LRP1B: variants seen among roughly 807,000 people sequenced by gnomAD.
LRP1B encodes the protein LDL receptor related protein 1B, also known as low-density lipoprotein receptor-related protein 1B.
Under a neutral mutation model 556.6 loss-of-function variants are expected in LRP1B, and 217 were observed. The observed-to-expected ratio is 0.39, with a 90% CI of 0.35 to 0.44. The LOEUF is 0.44. LRP1B is among the 20% of genes least tolerant of loss of function. The pLI is 1.00. For synonymous variants in LRP1B, 2,047 were observed against 1,865.8 expected, an observed-to-expected ratio of 1.10 and a Z score of -2.50; for missense variants, 5,053 against 5,620.8, an observed-to-expected ratio of 0.90 and a Z score of 3.23.
intron 25 of LRP1B, among the ~76,000 whole-genome samples, chr2:140,877,030 A>T (rs1693329814): frequency 6.6e-6 from 1 of 152,070 alleles, no homozygotes; most frequent in African/African-American, 2.4e-5. Context: ...CTTGGTTACA[A>T]GTGGGCAAAA....
chr2:142,126,986 C>T (rs1397509470), intron 1 of LRP1B, among the ~76,000 whole-genome samples: 1 of 151,828 alleles, frequency 6.6e-6, no homozygotes, highest in Non-Finnish European at 1.5e-5. Context: ...TTCTGCATAC[C>T]TCCACCTTGA....
chr2:140,560,490 G>A (rs957286883), intron 43 of LRP1B, among the ~76,000 whole-genome samples: 8 of 152,014 alleles, frequency 5.3e-5, no homozygotes, highest in Non-Finnish European at 1.2e-4. Flanking sequence ...CTTTTTTGCA[G>A]CCTAACATTA....
intron 42 of LRP1B, among the ~76,000 whole-genome samples, chr2:140,600,552 C>G (rs773101192): frequency 6.6e-6 from 1 of 151,692 alleles, no homozygotes; most frequent in Non-Finnish European, 1.5e-5. Context: ...ATTCTTCAAT[C>G]TTTTTTTTGT....
chr2:141,758,005 C>T (rs1558855241), intron 2 of LRP1B, among the ~76,000 whole-genome samples: 1 of 152,124 alleles, frequency 6.6e-6, no homozygotes, highest in South Asian at 2.1e-4. Context: ...TTAACCTTGT[C>T]TAGAACCAGA....
intron 31 of LRP1B, among the ~76,000 whole-genome samples, chr2:140,834,358 G>C (rs910333362): frequency 6.6e-6 from 1 of 152,154 alleles, no homozygotes; most frequent in African/African-American, 2.4e-5. Flanking sequence ...TCCTGCCTCA[G>C]CCTCTCGAGT....
chr2:141,482,626 T>TATA (rs1486117049), intron 2 of LRP1B, among the ~76,000 whole-genome samples: 1 of 152,018 alleles, frequency 6.6e-6, no homozygotes, highest in Non-Finnish European at 1.5e-5. Context: ...ATCTTATGTT[T>TATA]ATAATATTAA....
At chr2:140,840,799 T>C in intron 30 of LRP1B, 119 bp downstream of exon 30, 1 of 686,860 alleles carries the variant, frequency 1.5e-6, no homozygotes. Flanking sequence ...ATTTACTTTT[T>C]TTTTAACTCT....
At chr2:141,908,702 T>C (rs1699826493) in intron 1 of LRP1B, among the ~76,000 whole-genome samples, 1 of 152,068 alleles carries the variant, frequency 6.6e-6, no homozygotes, top group Non-Finnish European at 1.5e-5. Flanking sequence ...TTCCTGGTGA[T>C]GGAATGGCTA....
intron 66 of LRP1B, among the ~76,000 whole-genome samples, chr2:140,416,422 G>T (rs1018090418): frequency 6.6e-6 from 1 of 152,308 alleles, no homozygotes; most frequent in Non-Finnish European, 1.5e-5. Context: ...TGGGGAGGCT[G>T]AGGTGGGCAG....
At chr2:141,755,240 C>T (rs2105578505) in intron 2 of LRP1B, among the ~76,000 whole-genome samples, 1 of 151,836 alleles carries the variant, frequency 6.6e-6, no homozygotes, top group East Asian at 1.9e-4. Context: ...GATAAACAGG[C>T]AAAATATTAT....
In LRP1B at chr2:140,501,668, A is replaced by G. The variant is rs1558926143; in HGVS notation, c.8850+19T>C. The G allele has an allele frequency of 3.2e-6, 5 of 1,548,922 alleles. No homozygotes were observed. The highest frequency in any genetic ancestry group is 3.9e-5 in the Admixed American group (2 of 51,940). The stretch of plus-strand genomic sequence containing the variant: ...ATTCTAATGTATCGTATGATTTGCT[A>G]CTTTTGATGAGTACCTACCTTATAA... On this transcript the variant is annotated intron_variant, in intron 55 of 90. Transcript: ENST00000389484.
intron 35 of LRP1B, among the ~76,000 whole-genome samples, chr2:140,731,566 G>A (rs1329908463): frequency 2.6e-5 from 4 of 151,818 alleles, no homozygotes; most frequent in African/African-American, 9.7e-5. Context: ...TCAAGAGATC[G>A]AGACCATCCT....
chr2:141,719,424 C>T lies in LRP1B; in HGVS notation c.205+90855G>A, dbSNP rs76526117. On this transcript the variant is annotated intron_variant, in intron 2 of 90. Coordinates refer to ENST00000389484, the MANE Select transcript of LRP1B (RefSeq NM_018557.3). Reference sequence around the variant, plus strand: ...CAGTAAATATGTAATAGGGTTCCAACTCAACAACTAGCTGATTATTAAGTT... The same window carrying T: ...CAGTAAATATGTAATAGGGTTCCAATTCAACAACTAGCTGATTATTAAGTT... Among the ~76,000 whole-genome samples, 438 of 152,252 alleles carry T rather than the reference C, an allele frequency of 2.9e-3. 3 individuals carry two copies. Among genetic ancestry groups the T allele is most frequent in the African/African-American group, 1.0e-2 (415 of 41,574 alleles).
chr2:141,050,158 T>C (rs1453311044), intron 10 of LRP1B, among the ~76,000 whole-genome samples: 1 of 151,740 alleles, frequency 6.6e-6, no homozygotes, highest in East Asian at 1.9e-4. Flanking sequence ...ATAATTGATA[T>C]TCATAGTAAA....
intron 86 of LRP1B, among the ~76,000 whole-genome samples, chr2:140,249,020 G>T (rs1313033387): frequency 7.2e-6 from 1 of 138,524 alleles, no homozygotes; most frequent in Non-Finnish European, 1.6e-5. Flanking sequence ...ATCAAAATTT[G>T]CTTTATACAT....
intron 3 of LRP1B, among the ~76,000 whole-genome samples, chr2:141,455,880 G>A (rs1034232762): frequency 6.6e-6 from 1 of 152,146 alleles, no homozygotes; most frequent in South Asian, 2.1e-4. Context: ...ATTTCCCAGT[G>A]CACTACAAGC....
At chr2:140,270,548 A>G (rs1682411435) in intron 85 of LRP1B, among the ~76,000 whole-genome samples, 1 of 151,898 alleles carries the variant, frequency 6.6e-6, no homozygotes, top group Non-Finnish European at 1.5e-5. Context: ...TTTTCTTCTG[A>G]TAATTCTCAA....
intron 14 of LRP1B, among the ~76,000 whole-genome samples, chr2:141,008,858 A>T (rs1284031293): frequency 1.3e-5 from 2 of 151,974 alleles, no homozygotes; most frequent in Non-Finnish European, 2.9e-5. Context: ...TTGTGGATAG[A>T]TACAACTTCC....
intron 18 of LRP1B, among the ~76,000 whole-genome samples, chr2:140,968,371 G>T (rs2380917): frequency 6.6e-6 from 1 of 151,802 alleles, no homozygotes; most frequent in African/African-American, 2.4e-5. Flanking sequence ...GGTATTGGTG[G>T]TGATATCCGT....
Sources: allele counts gnomAD v4.1 joint callset (sites outside exome capture counted in the v4.1 genomes callset), GRCh38; gene constraint gnomAD v4.1.1; transcripts MANE v1.5; gene names NCBI Gene and HGNC (gene_info 2026-07-23, HGNC 2026-07-21).